Variants in LRRK1 observed in about 807,000 individuals in gnomAD.
The protein encoded by LRRK1 is leucine-rich repeat serine/threonine-protein kinase 1.
LRRK1 carries 113 observed loss-of-function variants against 209.1 expected under a neutral mutation model. That is an observed-to-expected ratio of 0.54 (90% CI 0.46 to 0.63). LRRK1 has a LOEUF of 0.63. Among genes scored for constraint, LRRK1 ranks in the 30% least tolerant of loss-of-function variants. The pLI, the probability that LRRK1 is intolerant of heterozygous loss-of-function variation, is 0.00. For synonymous variants in LRRK1, 1,144 were observed against 1,099.7 expected, an observed-to-expected ratio of 1.04 and a Z score of -0.80; for missense variants, 2,284 against 2,632.2, an observed-to-expected ratio of 0.87 and a Z score of 2.89.
intron 2 of LRRK1, among the ~76,000 whole-genome samples, chr15:100,954,127 G>C (rs759357364): frequency 3.3e-4 from 50 of 152,228 alleles, no homozygotes; most frequent in Non-Finnish European, 6.2e-4. Context: ...TATTGGCCAG[G>C]CTGGTCTCGA....
At chr15:100,990,740 TAG>T (rs2032119236) in intron 6 of LRRK1, among the ~76,000 whole-genome samples, 3 of 151,576 alleles carry the variant, frequency 2.0e-5, no homozygotes, top group African/African-American at 7.2e-5. Flanking sequence ...TTTTGAACAT[TAG>T]AGATTTTTAA....
At chr15:101,048,028 G>A (rs1212540248) in intron 21 of LRRK1, among the ~76,000 whole-genome samples, 1 of 151,942 alleles carries the variant, frequency 6.6e-6, no homozygotes, top group Non-Finnish European at 1.5e-5. Context: ...AGGAAAGGTG[G>A]GGTTTTTTAA....
At chr15:101,063,207 T>G (rs569865451) in intron 31 of LRRK1, among the ~76,000 whole-genome samples, 28 of 152,196 alleles carry the variant, frequency 1.8e-4, no homozygotes, top group Non-Finnish European at 3.7e-4. Context: ...AGCCCTGGCC[T>G]TTCTAAATGA....
chr15:100,927,271 A>C (rs2042132587), intron 2 of LRRK1, among the ~76,000 whole-genome samples: 1 of 152,182 alleles, frequency 6.6e-6, no homozygotes, highest in African/African-American at 2.4e-5. Context: ...AGCTCGTGGC[A>C]GGACAGATAA....
chr15:101,024,090 C>G lies in LRRK1; in HGVS notation c.2068-713C>G, dbSNP rs1015885049. On this transcript the variant is annotated intron_variant, in intron 15 of 33. Coordinates refer to ENST00000388948, the MANE Select transcript of LRRK1 (RefSeq NM_024652.6). This position sits in a 1 kb window ranked among gnomAD's most constrained non-coding sequence, Gnocchi z 4.6. ...AACCCCCTACCCTTTAGTGGAAGGA[C>G]AATCCTGTGAAGGCTGAGCCCGCCG... 6.6e-6 allele frequency among the ~76,000 whole-genome samples: 1 copy of G among 152,112 alleles called. No individual in the cohort carries two copies. Among genetic ancestry groups the G allele is most frequent in the Non-Finnish European group, 1.5e-5 (1 of 68,018 alleles).
At chr15:101,031,767 C>G (rs13329467) in intron 20 of LRRK1, among the ~76,000 whole-genome samples, 320 of 151,230 alleles carry the variant, frequency 2.1e-3, no homozygotes, top group African/African-American at 7.4e-3. Context: ...TGGAGTCTCG[C>G]TCTGTCGCCC....
intron 20 of LRRK1, among the ~76,000 whole-genome samples, chr15:101,043,162 G>T (rs1343638442): frequency 6.6e-6 from 1 of 152,212 alleles, no homozygotes; most frequent in Non-Finnish European, 1.5e-5. Flanking sequence ...TGCGTCCTCA[G>T]CTCCAGATCT....
intron 20 of LRRK1, among the ~76,000 whole-genome samples, chr15:101,034,844 TC>T (rs1308314142): frequency 3.3e-5 from 5 of 152,002 alleles, no homozygotes; most frequent in African/African-American, 9.7e-5. Context: ...TGGGAATTTG[TC>T]TGTTTTTTTT....
At chr15:100,941,464 C>G (rs1172753501) in intron 2 of LRRK1, among the ~76,000 whole-genome samples, 7,331 of 88,644 alleles carry the variant, frequency 0.083, 966 homozygotes, top group African/African-American at 0.27. Context: ...GTCTATGTCT[C>G]TGTGTGTGTG....
At chr15:101,054,033 C>G (rs1024243319) in intron 26 of LRRK1, among the ~76,000 whole-genome samples, 8 of 152,210 alleles carry the variant, frequency 5.3e-5, no homozygotes, top group African/African-American at 1.7e-4. Context: ...GGCTGGAGGA[C>G]AGTGGTGCAA....
At chr15:100,996,622 G>T (rs2032424716) in intron 6 of LRRK1, among the ~76,000 whole-genome samples, 1 of 152,176 alleles carries the variant, frequency 6.6e-6, no homozygotes. Context: ...TTTCCCTGTG[G>T]AATAGGAGAC....
chr15:100,936,835 G>A (rs1021328206), intron 2 of LRRK1, among the ~76,000 whole-genome samples: 1 of 152,208 alleles, frequency 6.6e-6, no homozygotes, highest in Non-Finnish European at 1.5e-5. Context: ...GGTAACCAGA[G>A]TCCTGTTTTG....
At chr15:100,997,740 C>A (rs1272502713) in intron 6 of LRRK1, among the ~76,000 whole-genome samples, 1 of 152,208 alleles carries the variant, frequency 6.6e-6, no homozygotes. Context: ...AAGCTATAAA[C>A]CTCTTTTCTC....
chr15:100,936,392 C>G (rs4072999), intron 2 of LRRK1, among the ~76,000 whole-genome samples: 54,246 of 152,044 alleles, frequency 0.36, 12,279 homozygotes, highest in African/African-American at 0.64. Context: ...CAGGTGGATT[C>G]CCCCTGGGCT....
rs759816169 is a variant in LRRK1, at chr15:101,058,015, G to C, written c.4553G>C (p.Ser1518Thr). The C allele has an allele frequency of 1.2e-6, 2 of 1,613,980 alleles. No homozygotes were observed. The highest frequency in any genetic ancestry group is 1.6e-4 in the Middle Eastern group (1 of 6,084). ...CGACCGCTGGCCCTGTCGGTGGTGA[G>C]CCAGATGAAGGACCCGACTTTTGCC... ...EKRPLALSVVSQMKDPTFATF... is the reference protein window; with the variant it reads ...EKRPLALSVVTQMKDPTFATF... The change falls in exon 29 of 34, where the codon AGC becomes ACC. Residue 1518 changes from serine to threonine, a missense_variant. Physicochemically the swap from Ser to Thr is moderately conservative, Grantham distance 58 (BLOSUM62 1). Coordinates refer to ENST00000388948, the MANE Select transcript of LRRK1 (RefSeq NM_024652.6).
intron 2 of LRRK1, among the ~76,000 whole-genome samples, chr15:100,953,067 G>C (rs1250830682): frequency 1.3e-5 from 2 of 152,162 alleles, no homozygotes; most frequent in Non-Finnish European, 2.9e-5. Flanking sequence ...GTTGCAAAAT[G>C]ATGAGCATAA....
Position 101,010,753 on chromosome 15 carries a change from C to A in LRRK1, c.1197C>A (p.Phe399Leu), listed in dbSNP as rs549021266. 4 of 1,613,604 alleles carry A rather than the reference C, an allele frequency of 2.5e-6. No homozygotes were observed. The highest frequency in any genetic ancestry group is 1.3e-5 in the African/African-American group (1 of 74,782). Reference protein sequence around the residue: ...DNKLTELPALFLHSFKSLNSL... With the variant: ...DNKLTELPALLLHSFKSLNSL... ...AATTGACAGAACTCCCTGCCCTGTT[C>A]CTTCACTCTTTCAAGTCCCTCAATT... Residue 399 changes from phenylalanine (F) to leucine (L), a missense_variant, in exon 9 of 34, where the codon TTC becomes TTA. Physicochemically the swap from Phe to Leu is conservative, Grantham distance 22 (BLOSUM62 0). This residue lies in a region of LRRK1 where 494 missense variants were observed against 522.1 expected (regional missense o/e 0.95). Coordinates refer to ENST00000388948, the MANE Select transcript of LRRK1 (RefSeq NM_024652.6).
At chr15:100,920,010 T>TG (rs2041993453) in intron 1 of LRRK1, 1 of 152,526 alleles carries the variant, frequency 6.6e-6, no homozygotes, top group Non-Finnish European at 1.5e-5. Context: ...CCTCGATGTC[T>TG]GGGTCACGCT....
chr15:100,940,089 G>T (rs892130703), intron 2 of LRRK1, among the ~76,000 whole-genome samples: 3 of 152,132 alleles, frequency 2.0e-5, no homozygotes, highest in African/African-American at 7.2e-5. Context: ...GATGCACGAT[G>T]CACTGTTTCT....
Sources: gnomAD v4.1 joint callset for allele counts (sites outside exome capture counted in the v4.1 genomes callset) on GRCh38, gnomAD v4.1.1 for gene constraint, gnomAD v4.1.1 regional missense constraint, Gnocchi (gnomAD v3.1) non-coding constraint, MANE v1.5 for transcripts, NCBI Gene and HGNC (gene_info 2026-07-23, HGNC 2026-07-21) for gene names.